The following HSPA14 variants were observed in gnomAD, a reference collection of about 807,000 sequenced individuals.
The protein encoded by HSPA14 is heat shock protein family A (Hsp70) member 14, also known as heat shock 70 kDa protein 14.
Under a neutral mutation model 65.5 loss-of-function variants are expected in HSPA14, and 37 were observed. The ratio of observed to expected loss-of-function variants is 0.56; its 90% CI spans 0.43 to 0.74. The LOEUF (loss-of-function observed/expected upper bound fraction) is 0.74, where lower values mean the gene tolerates loss of function less well. Ranked by LOEUF, HSPA14 falls within the 30% of genes least tolerant of loss-of-function variation. The pLI is 0.00. For missense variants in HSPA14, 564 were observed against 607.6 expected (o/e 0.93, Z 0.75); for synonymous variants, 203 against 214.2 (o/e 0.95, Z 0.46).
intron 3 of HSPA14, among the ~76,000 whole-genome samples, chr10:14,847,284 T>TA (rs1394370179): frequency 1.3e-5 from 2 of 152,218 alleles, no homozygotes; most frequent in Non-Finnish European, 2.9e-5. Context: ...CTGGTTGACT[T>TA]AAATTCTAAA....
At chr10:14,855,565 C>A (rs1194495723) in intron 9 of HSPA14, among the ~76,000 whole-genome samples, 1 of 152,060 alleles carries the variant, frequency 6.6e-6, no homozygotes, top group African/African-American at 2.4e-5. Flanking sequence ...ATAAGTAGAC[C>A]ATAAGCAAGA....
In HSPA14 at chr10:14,854,858, T is replaced by TA. The variant is rs1339903409; in HGVS notation, c.890+583dup. 2.6e-5 allele frequency among the ~76,000 whole-genome samples: 4 copies of TA among 152,306 alleles called. No individual in the cohort carries two copies. The South Asian group carries it at 6.2e-4, about 24-fold the overall frequency. On this transcript the variant is annotated intron_variant, in intron 9 of 13. Coordinates refer to ENST00000378372, the MANE Select transcript of HSPA14 (RefSeq NM_016299.4). The stretch of plus-strand genomic sequence containing the variant: ...AAATTTAACTTAATTAGGATAACAT[T>TA]AAAAATGCAGTTCCTCAGTAGCACT...
intron 13 of HSPA14, 61 bp from the exon 14 acceptor site, chr10:14,871,467 C>T (rs1420312864): frequency 5.1e-6 from 5 of 971,492 alleles, no homozygotes; most frequent in Non-Finnish European, 3.2e-6. Flanking sequence ...TAACTTGTTA[C>T]AGACTTTATG....
chr10:14,868,111 T>G (rs192176839), intron 12 of HSPA14, among the ~76,000 whole-genome samples: 1 of 152,346 alleles, frequency 6.6e-6, no homozygotes, highest in Admixed American at 6.5e-5. Flanking sequence ...AGTTCTAATT[T>G]GAAAGAGTTC....
intron 10 of HSPA14, among the ~76,000 whole-genome samples, chr10:14,864,351 C>T (rs1251252901): frequency 7.1e-6 from 1 of 141,008 alleles, no homozygotes; most frequent in African/African-American, 2.6e-5. Flanking sequence ...TTTTATTATA[C>T]TTTAAGTTCT....
rs1380293735 is a variant in HSPA14 at position 14,867,610 on chromosome 10, A to G, written c.1207-126A>G. The G allele has an allele frequency of 1.4e-5, 11 of 798,770 alleles. No individual in the cohort carries two copies. In the East Asian group the frequency reaches 1.5e-4, roughly 11 times the overall value. 49.5% of individuals were successfully genotyped at this position (798,770 alleles called of 1,614,324 possible). On this transcript the variant is annotated intron_variant, in intron 11 of 13. Coordinates refer to ENST00000378372, the MANE Select transcript of HSPA14 (RefSeq NM_016299.4). ...TGAAGTAGGATTAAGGATTATTTCT[A>G]TTTTCTTCTCTTTGCCTAGTGTCCT...
In HSPA14 at chr10:14,855,944, G is replaced by A; in HGVS notation, c.993+1G>A. The A allele has an allele frequency of 6.6e-7, 1 of 1,516,070 alleles. No homozygotes were observed. Among genetic ancestry groups the A allele is most frequent in the Non-Finnish European group, 9.2e-7 (1 of 1,091,974 alleles). The allele number at this position is 1,516,070 out of a possible 1,614,324, so 93.9% of individuals were successfully genotyped here. On this transcript the variant is annotated splice_donor_variant, in intron 10 of 13. Coordinates refer to ENST00000378372, the MANE Select transcript of HSPA14 (RefSeq NM_016299.4). LOFTEE classifies it high-confidence loss of function. ...ATTTACAGCAGATGATATCAACAAG[G>A]TAATGCTTTTACATTTTTCTTAACT...
intron 13 of HSPA14, 122 bp downstream of exon 13, chr10:14,870,789 T>TA: frequency 2.2e-6 from 2 of 930,102 alleles, no homozygotes; most frequent in Non-Finnish European, 3.0e-6. Context: ...CAGAGGTTTT[T>TA]ATCAGTGAAT....
chr10:14,842,003 C>T lies in HSPA14; in HGVS notation c.221+1846C>T. ...GTGCCGTGTCTACCCTGGGTGAACT[C>T]CCAAAGTTGGGCTATCTCAGTCTTG... On this transcript the variant is annotated intron_variant, in intron 3 of 13. Transcript: ENST00000378372. The surrounding 1 kb of genome is among the most constrained non-coding windows in gnomAD (Gnocchi z 5.2). The T allele has an allele frequency of 3.4e-6, 2 of 594,944 alleles. No individual in the cohort carries two copies. The highest frequency in any genetic ancestry group is 5.9e-6 in the Non-Finnish European group (2 of 336,396). The allele number at this position is 594,944 out of a possible 1,614,324, so 36.9% of individuals were successfully genotyped here. A position where few individuals can be genotyped will look rare whatever the true frequency, so the allele number is the denominator to read the frequency against.
intron 10 of HSPA14, among the ~76,000 whole-genome samples, chr10:14,864,621 G>A (rs1832789036): frequency 6.6e-6 from 1 of 152,074 alleles, no homozygotes; most frequent in African/African-American, 2.4e-5. Flanking sequence ...TGAGAATGAT[G>A]GTTTCCAGCT....
At chr10:14,863,334 T>C (rs1832773380) in intron 10 of HSPA14, among the ~76,000 whole-genome samples, 1 of 152,200 alleles carries the variant, frequency 6.6e-6, no homozygotes, top group Admixed American at 6.5e-5. Flanking sequence ...GTCCTAGTTT[T>C]TGCTGGCATT....
chr10:14,869,751 C>T (rs1462549750), intron 12 of HSPA14, among the ~76,000 whole-genome samples: 2 of 152,206 alleles, frequency 1.3e-5, no homozygotes, highest in Admixed American at 1.3e-4. Context: ...AGAACCTTCC[C>T]ATGCACCAGG....
intron 10 of HSPA14, among the ~76,000 whole-genome samples, chr10:14,860,736 T>C (rs963144503): frequency 6.6e-6 from 1 of 151,880 alleles, no homozygotes; most frequent in African/African-American, 2.4e-5. Flanking sequence ...CAGGCCTCAG[T>C]GTGAAGAGTT....
In HSPA14 at chr10:14,840,880, T is replaced by C. The variant is rs139345646; in HGVS notation, c.221+723T>C. 2.8e-3 allele frequency among the ~76,000 whole-genome samples: 423 copies of C among 152,344 alleles called. 2 individuals carry two copies. Among genetic ancestry groups the C allele is most frequent in the African/African-American group, 9.7e-3 (402 of 41,582 alleles). On this transcript the variant is annotated intron_variant, in intron 3 of 13. Coordinates refer to ENST00000378372, the MANE Select transcript of HSPA14 (RefSeq NM_016299.4). Reference sequence around the variant, plus strand: ...CTTGTAAAATTGGCAACGCAAATACTATCATTCCCCATTTATAGATGAGAA... The same window carrying C: ...CTTGTAAAATTGGCAACGCAAATACCATCATTCCCCATTTATAGATGAGAA...
intron 13 of HSPA14, 72 bp from the exon 14 acceptor site, chr10:14,871,451 CTCAAG>C: frequency 1.2e-6 from 1 of 823,478 alleles, no homozygotes. Context: ...ACTGAAAGCC[CTCAAG>C]TAACTTGTTA....
chr10:14,865,174 T>C (rs1269961345), intron 10 of HSPA14, among the ~76,000 whole-genome samples: 1 of 152,186 alleles, frequency 6.6e-6, no homozygotes, highest in Non-Finnish European at 1.5e-5. Flanking sequence ...GGGCTGTTTG[T>C]TTTTTTCTTG....
Position 14,867,197 on chromosome 10 carries a change from G to C in HSPA14, c.1108G>C (p.Gly370Arg). Residue 370 changes from glycine (G) to arginine (R), a missense_variant, in exon 11 of 14, where the codon GGT (glycine) becomes CGT (arginine). By Grantham distance (125) the Gly-to-Arg change is moderately radical. Transcript: ENST00000378372. ...CCCTCCTGATGAAGTGATCCCTATT[G>C]GTGCAGCTATAGAAGCAGGAATTCT... ...SIPPDEVIPIGAAIEAGILIG... is the reference protein window; with the variant it reads ...SIPPDEVIPIRAAIEAGILIG... 6.2e-7 allele frequency: 1 copy of C among 1,613,302 alleles called. No homozygotes were observed. The highest frequency in any genetic ancestry group is 1.1e-5 in the South Asian group (1 of 91,048).
At chr10:14,858,052 T>A (rs1832723115) in intron 10 of HSPA14, among the ~76,000 whole-genome samples, 1 of 152,146 alleles carries the variant, frequency 6.6e-6, no homozygotes, top group South Asian at 2.1e-4. Flanking sequence ...CACCTAAACA[T>A]GAAGCCTCAT....
chr10:14,838,581 C>T lies in HSPA14; in HGVS notation c.57+122C>T, dbSNP rs919470152. On this transcript the variant is annotated intron_variant, in intron 1 of 13. Coordinates refer to ENST00000378372, the MANE Select transcript of HSPA14 (RefSeq NM_016299.4). ...TAGGGATGTCGTGGAGTGGCGTTGC[C>T]GCGAGGACACTCCGGAGCGAAGGGC... 6.3e-6 allele frequency: 6 copies of T among 945,740 alleles called. No individual in the cohort carries two copies. The African/African-American group carries it at 6.7e-5, about 11-fold the overall frequency. The allele number at this position is 945,740 out of a possible 1,614,324, so 58.6% of individuals were successfully genotyped here. A position where few individuals can be genotyped will look rare whatever the true frequency, so the allele number is the denominator to read the frequency against.
Sources: gnomAD v4.1 joint callset for allele counts (sites outside exome capture counted in the v4.1 genomes callset) on GRCh38, gnomAD v4.1.1 for gene constraint, Gnocchi (gnomAD v3.1) non-coding constraint, MANE v1.5 for transcripts, NCBI Gene and HGNC (gene_info 2026-07-23, HGNC 2026-07-21) for gene names.